Variants in SFI1 observed in about 807,000 individuals in gnomAD.
SFI1 encodes protein SFI1 homolog.
In SFI1, 195 loss-of-function variants were observed where a neutral mutation model predicts 207.5. The ratio of observed to expected loss-of-function variants is 0.94; its 90% CI spans 0.84 to 1.06. The LOEUF (loss-of-function observed/expected upper bound fraction) is 1.06. Among genes scored for constraint, SFI1 ranks in the 50% least tolerant of loss-of-function variants. The probability of loss-of-function intolerance (pLI) is 0.00; values close to 1 mark genes in which losing one functional copy is unlikely to be tolerated. For synonymous variants in SFI1, 630 were observed against 598.9 expected, an observed-to-expected ratio of 1.05 and a Z score of -0.76; for missense variants, 1,634 against 1,588.0, an observed-to-expected ratio of 1.03 and a Z score of -0.49.
chr22:31,544,224 C>T (rs1474582504), intron 4 of SFI1, among the ~76,000 whole-genome samples: 1 of 152,052 alleles, frequency 6.6e-6, no homozygotes, highest in African/African-American at 2.4e-5. Context: ...TCTGTCACTG[C>T]TTTTCTGTGT....
rs747035473 is a variant in SFI1 at position 31,618,401 on chromosome 22, C to T, written c.3712C>T (p.Arg1238Trp). Residue 1238 changes from arginine to tryptophan, a missense_variant, in exon 33 of 33, where the codon CGG (arginine) becomes TGG (tryptophan). Physicochemically the swap from Arg to Trp is moderately radical, Grantham distance 101. Coordinates refer to ENST00000400288, the MANE Select transcript of SFI1 (RefSeq NM_001007467.3). ...GACVARIQALRQALC is the reference protein window; with the variant it reads ...GACVARIQALWQALC ...CTGCGTTGCCCGCATCCAGGCCCTG[C>T]GGCAGGCCCTGTGCTAGCGTGTTCG... 5 of 1,595,032 alleles carry T rather than the reference C, an allele frequency of 3.1e-6. No individual in the cohort carries two copies. Among genetic ancestry groups the T allele is most frequent in the Non-Finnish European group, 3.4e-6 (4 of 1,168,862 alleles).
rs541049435 is a variant in SFI1, at chr22:31,526,135, T to A, written c.93-2555T>A. 3.3e-5 allele frequency among the ~76,000 whole-genome samples: 5 copies of A among 152,334 alleles called. No individual in the cohort carries two copies. In the East Asian group the frequency reaches 9.6e-4, roughly 29 times the overall value. ...TTTATTTTTTGGGAGTAGTACTAGA[T>A]AATCTTATAGAAGCAAAGCACTGAA... On this transcript the variant is annotated intron_variant, in intron 2 of 32. Coordinates refer to ENST00000400288, the MANE Select transcript of SFI1 (RefSeq NM_001007467.3).
At chr22:31,540,683 C>T (rs990991709) in intron 4 of SFI1, among the ~76,000 whole-genome samples, 2 of 151,802 alleles carry the variant, frequency 1.3e-5, no homozygotes, top group Non-Finnish European at 2.9e-5. Flanking sequence ...CAGGTTCATG[C>T]GAGTTGCCTG....
intron 13 of SFI1, 84 bp downstream of exon 13, chr22:31,584,056 T>C (rs2064698328): frequency 1.8e-6 from 2 of 1,128,706 alleles, no homozygotes; most frequent in Middle Eastern, 2.1e-4. Context: ...CTTGCCCTTC[T>C]ATGCGTTAGT....
rs981072998 is a variant in SFI1, at chr22:31,596,927, C to T, written c.1545-5285C>T. 9.4e-5 allele frequency among the ~76,000 whole-genome samples: 14 copies of T among 149,494 alleles called. 1 individual carries two copies. The highest frequency in any genetic ancestry group is 1.6e-4 in the Non-Finnish European group (11 of 67,640). ...ACTGAAGACACGCACACACGGTACC[C>T]GTTTCTAAATGGCTTCAGTACTGAA... On this transcript the variant is annotated intron_variant, in intron 15 of 32. Transcript: ENST00000400288.
At chr22:31,545,510 AT>A (rs747099863) in intron 4 of SFI1, among the ~76,000 whole-genome samples, 5 of 151,028 alleles carry the variant, frequency 3.3e-5, no homozygotes, top group South Asian at 2.1e-4. Context: ...ATTGTCACAC[AT>A]TTTTTTTTCT....
intron 22 of SFI1, among the ~76,000 whole-genome samples, chr22:31,610,186 G>T (rs1340854072): frequency 6.6e-6 from 1 of 152,224 alleles, no homozygotes; most frequent in African/African-American, 2.4e-5. Context: ...AGGAGGGACT[G>T]AGGGGAGGAT....
At chr22:31,560,200 A>G (rs2061544009) in intron 7 of SFI1, among the ~76,000 whole-genome samples, 1 of 152,008 alleles carries the variant, frequency 6.6e-6, no homozygotes, top group African/African-American at 2.4e-5. Flanking sequence ...TGTAAAGCAC[A>G]GGTTGTAAAC....
intron 10 of SFI1, among the ~76,000 whole-genome samples, chr22:31,575,768 G>T (rs1361143795): frequency 2.0e-5 from 3 of 152,072 alleles, no homozygotes; most frequent in East Asian, 1.9e-4. Flanking sequence ...CCACTAGGTG[G>T]TGGAAATAGC....
At chr22:31,569,947 CA>C (rs71202099) in intron 8 of SFI1, among the ~76,000 whole-genome samples, 10,719 of 131,210 alleles carry the variant, frequency 0.082, 441 homozygotes, top group Non-Finnish European at 0.094. Context: ...GAACCTATCT[CA>C]AAAAAAAAAA....
At chr22:31,545,576 TTTAATTTA>T (rs1569269323) in intron 4 of SFI1, among the ~76,000 whole-genome samples, 11 of 150,764 alleles carry the variant, frequency 7.3e-5, no homozygotes, top group Admixed American at 3.3e-4. Context: ...TTTAATTTAA[TTTAATTTA>T]ATTTTATTTT....
chr22:31,604,829 T>C, intron 19 of SFI1, 40 bp from the exon 20 acceptor site: 1 of 1,581,410 alleles, frequency 6.3e-7, no homozygotes, highest in Non-Finnish European at 8.7e-7. Context: ...GGGGGAAGTG[T>C]GGGCCCAAGA....
chr22:31,585,165 C>G (rs757311617), intron 14 of SFI1, 31 bp downstream of exon 14: 3 of 1,575,448 alleles, frequency 1.9e-6, no homozygotes, highest in South Asian at 2.2e-5. Flanking sequence ...GATAGCTCTA[C>G]TGGCTTACAT....
intron 29 of SFI1, chr22:31,615,758 G>T (rs1317563180): frequency 6.4e-6 from 1 of 155,576 alleles, no homozygotes. Context: ...GGAGGCAGAT[G>T]AGGCAGGATA....
intron 23 of SFI1, 142 bp downstream of exon 23, chr22:31,611,445 A>C: frequency 9.0e-7 from 1 of 1,112,714 alleles, no homozygotes; most frequent in Non-Finnish European, 1.2e-6. Flanking sequence ...GGGGTCCTGT[A>C]AGACAAAGCT....
chr22:31,563,418 CTG>C (rs1263869971), intron 8 of SFI1, among the ~76,000 whole-genome samples: 1 of 152,022 alleles, frequency 6.6e-6, no homozygotes, highest in African/African-American at 2.4e-5. Context: ...TATAGACTGA[CTG>C]TGAATATAGG....
Position 31,567,590 on chromosome 22 carries a change from T to A in SFI1, c.766-5468T>A, listed in dbSNP as rs562785604. ...TGGAGGGGGGGGGTGTGTGTGTCTG[T>A]TTGCTTATATTTTCAAGAAGGAATA... On this transcript the variant is annotated intron_variant, in intron 8 of 32. Transcript: ENST00000400288. 1.9e-4 allele frequency among the ~76,000 whole-genome samples: 29 copies of A among 151,912 alleles called. 1 individual carries two copies. The South Asian group carries it at 5.4e-3, about 28-fold the overall frequency.
chr22:31,608,202 C>T (rs953340789), intron 22 of SFI1, among the ~76,000 whole-genome samples, 169 bp downstream of exon 22: 1 of 152,174 alleles, frequency 6.6e-6, no homozygotes, highest in Non-Finnish European at 1.5e-5. Flanking sequence ...CAAAATTGCC[C>T]TCTCAGTTCT....
chr22:31,498,829 C>G (rs1317087065), intron 1 of SFI1, among the ~76,000 whole-genome samples: 1 of 150,758 alleles, frequency 6.6e-6, no homozygotes, highest in Non-Finnish European at 1.5e-5. Flanking sequence ...CATGATAAAA[C>G]TTGGATGGAT....
Sources: allele counts gnomAD v4.1 joint callset (sites outside exome capture counted in the v4.1 genomes callset), GRCh38; gene constraint gnomAD v4.1.1; transcripts MANE v1.5; gene names NCBI Gene and HGNC (gene_info 2026-07-23, HGNC 2026-07-21).